The following GBF1 variants were observed in gnomAD, a reference collection of about 807,000 sequenced individuals.
GBF1 encodes the protein Golgi-specific brefeldin A-resistance guanine nucleotide exchange factor 1.
GBF1 carries 114 observed loss-of-function variants against 210.5 expected under a neutral mutation model. The ratio of observed to expected loss-of-function variants is 0.54; its 90% CI spans 0.47 to 0.63. The LOEUF (loss-of-function observed/expected upper bound fraction) is 0.63. Among genes scored for constraint, GBF1 ranks in the 30% least tolerant of loss-of-function variants. The probability of loss-of-function intolerance (pLI) is 0.00; values close to 1 mark genes in which losing one functional copy is unlikely to be tolerated. For synonymous variants in GBF1, 850 were observed against 889.2 expected, an observed-to-expected ratio of 0.96 and a Z score of 0.78; for missense variants, 1,851 against 2,357.7, an observed-to-expected ratio of 0.79 and a Z score of 4.45.
chr10:102,362,499 C>T lies in GBF1; in HGVS notation c.1711C>T (p.Leu571Phe). 6.2e-7 allele frequency: 1 copy of T among 1,613,370 alleles called. No individual in the cohort carries two copies. The highest frequency in any genetic ancestry group is 8.5e-7 in the Non-Finnish European group (1 of 1,179,342). The part of the protein sequence containing the change: ...SKNAFPVSGQ[L>F]YTTHLLSLDA... ...GAATGCCTTCCCTGTGTCTGGTCAA[C>T]TCTATACAACACACCTACTATCTCT... Residue 571 changes from leucine (L) to phenylalanine (F), a missense_variant, in exon 15 of 40, where the codon CTC (leucine) becomes TTC (phenylalanine). Physicochemically the swap from Leu to Phe is conservative, Grantham distance 22. Around this residue, in one of 3 missense-constraint regions of GBF1, gnomAD observed 804 missense variants for 958.6 expected, o/e 0.84. Coordinates refer to ENST00000369983, the MANE Select transcript of GBF1 (RefSeq NM_001377137.1).
intron 3 of GBF1, among the ~76,000 whole-genome samples, chr10:102,276,124 C>G (rs956821970): frequency 2.0e-5 from 3 of 152,120 alleles, no homozygotes; most frequent in Admixed American, 6.6e-5. Flanking sequence ...GTAATCCCAG[C>G]TACTGGGGAG....
chr10:102,279,515 T>C (rs2075296512), intron 3 of GBF1, among the ~76,000 whole-genome samples: 2 of 152,344 alleles, frequency 1.3e-5, no homozygotes, highest in South Asian at 4.1e-4. Flanking sequence ...CCATAAAGTT[T>C]GGAAATGCCC....
the GBF1 span, chr10:102,230,863 A>G: frequency 2.5e-6 from 4 of 1,601,848 alleles, no homozygotes; most frequent in Non-Finnish European, 3.4e-6. Flanking sequence ...TGGCGAGAAG[A>G]CGGGCTGCGA....
At chr10:102,282,535 A>G (rs950592771) in intron 3 of GBF1, among the ~76,000 whole-genome samples, 3 of 152,144 alleles carry the variant, frequency 2.0e-5, no homozygotes, top group Non-Finnish European at 4.4e-5. Context: ...CTTGCTGGAG[A>G]CAAATTAACA....
the GBF1 span, among the ~76,000 whole-genome samples, chr10:102,236,369 G>T: frequency 6.6e-6 from 1 of 152,228 alleles, no homozygotes; most frequent in Non-Finnish European, 1.5e-5. Flanking sequence ...AACAGTGATG[G>T]TGAGTCCAGC....
the GBF1 span, among the ~76,000 whole-genome samples, chr10:102,234,478 T>A: frequency 6.6e-6 from 1 of 151,956 alleles, no homozygotes; most frequent in Non-Finnish European, 1.5e-5. Flanking sequence ...CCAGGTCGGG[T>A]CAGGTCAGGG....
chr10:102,382,700 A>C lies in GBF1; in HGVS notation c.*364A>C. ...CCAACCACTCTGCACTTTGTTTCCC[A>C]CTCCCATTAGCCCTGGGCCACCTCC... On this transcript the variant is annotated 3_prime_UTR_variant, in exon 40 of 40. Transcript: ENST00000369983. 1 of 214,714 alleles carries C rather than the reference A, an allele frequency of 4.7e-6. No individual in the cohort carries two copies. Among genetic ancestry groups the C allele is most frequent in the Non-Finnish European group, 9.2e-6 (1 of 109,022 alleles). 13.3% of individuals were successfully genotyped at this position (214,714 alleles called of 1,614,324 possible).
chr10:102,292,338 A>T (rs2133680049), intron 3 of GBF1, among the ~76,000 whole-genome samples: 1 of 152,256 alleles, frequency 6.6e-6, no homozygotes, highest in East Asian at 1.9e-4. Flanking sequence ...AAATTGGACC[A>T]AACGATCTCT....
At chr10:102,238,552 G>T in the GBF1 span, among the ~76,000 whole-genome samples, 1 of 152,216 alleles carries the variant, frequency 6.6e-6, no homozygotes, top group Non-Finnish European at 1.5e-5. Flanking sequence ...CTGCATCAGG[G>T]ATGAGATTAG....
At chr10:102,318,319 T>C (rs2056028404) in intron 3 of GBF1, among the ~76,000 whole-genome samples, 1 of 152,156 alleles carries the variant, frequency 6.6e-6, no homozygotes, top group Non-Finnish European at 1.5e-5. Flanking sequence ...CCCAAGTAGC[T>C]GGGACTACAG....
rs1364099817 is a variant in GBF1 at position 102,376,218 on chromosome 10, C to T, written c.3887-54C>T. On this transcript the variant is annotated intron_variant, in intron 30 of 39. Transcript: ENST00000369983. ...TTTTCTGAGAGCCTGATTTATCCCT[C>T]ATCCCAGTGCCCCATCCCCACCCTG... The T allele has an allele frequency of 2.1e-6, 3 of 1,406,668 alleles. No individual in the cohort carries two copies. In the African/African-American group the frequency reaches 4.2e-5, roughly 20 times the overall value. The allele number at this position is 1,406,668 out of a possible 1,614,324, so 87.1% of individuals were successfully genotyped here. A position where few individuals can be genotyped will look rare whatever the true frequency, so the allele number is the denominator to read the frequency against.
chr10:102,257,452 G>A (rs2072569744), intron 1 of GBF1, among the ~76,000 whole-genome samples: 1 of 152,104 alleles, frequency 6.6e-6, no homozygotes, highest in Non-Finnish European at 1.5e-5. Context: ...AGAACTACAG[G>A]TGTATGCCAC....
Position 102,368,630 on chromosome 10 carries a change from GTTTC to G in GBF1, c.2880-106_2880-103del, listed in dbSNP as rs2060038307. ...TCTTAAACAGAAACAAAATTAAAAG[GTTTC>G]TTCCTGGGACTGACTGGGGAAGAGC... On this transcript the variant is annotated intron_variant, in intron 22 of 39. Coordinates refer to ENST00000369983, the MANE Select transcript of GBF1 (RefSeq NM_001377137.1). 1.6e-5 allele frequency: 14 copies of G among 876,474 alleles called. No individual in the cohort carries two copies. In the Admixed American group the frequency reaches 2.3e-4, roughly 15 times the overall value. The allele number at this position is 876,474 out of a possible 1,614,324, so 54.3% of individuals were successfully genotyped here. A position where few individuals can be genotyped will look rare whatever the true frequency, so the allele number is the denominator to read the frequency against.
intron 3 of GBF1, among the ~76,000 whole-genome samples, chr10:102,314,216 G>A (rs2078734930): frequency 6.7e-6 from 1 of 148,894 alleles, no homozygotes; most frequent in South Asian, 2.1e-4. Flanking sequence ...TGTGAAAATG[G>A]CTCACTGCAG....
Position 102,307,652 on chromosome 10 carries a change from G to A in GBF1, c.164-36399G>A, listed in dbSNP as rs140977519. 7.2e-5 allele frequency among the ~76,000 whole-genome samples: 11 copies of A among 152,184 alleles called. 1 individual carries two copies. The highest frequency in any genetic ancestry group is 1.9e-4 in the African/African-American group (8 of 41,532). On this transcript the variant is annotated intron_variant, in intron 3 of 39. Coordinates refer to ENST00000369983, the MANE Select transcript of GBF1 (RefSeq NM_001377137.1). ...AAAAATACAAAAAAATTAGCCGGGCGTGGTGGCGGGTGCCTATAGTCCCAG... is the reference window on the plus strand; with the variant it reads ...AAAAATACAAAAAAATTAGCCGGGCATGGTGGCGGGTGCCTATAGTCCCAG...
chr10:102,382,308 A>T lies in GBF1; in HGVS notation c.5555A>T (p.Asp1852Val), dbSNP rs1249701323. Residue 1852 changes from aspartate (D) to valine (V), a missense_variant, in exon 40 of 40, where the codon GAT (aspartate) becomes GTT (valine). Physicochemically the swap from Asp to Val is radical, Grantham distance 152 (BLOSUM62 -3). This residue lies in a region of GBF1 where 967 missense variants were observed against 1,247.7 expected (regional missense o/e 0.78). Transcript: ENST00000369983. ...CTCCTGGCCACACCCCGCCCCACAG[A>T]TCCCATACCCACCTCTGAGGTCAAC... The part of the protein sequence containing the change: ...VPLLATPRPT[D>V]PIPTSEVN The T allele has an allele frequency of 2.2e-5, 35 of 1,612,410 alleles. No individual in the cohort carries two copies. Among genetic ancestry groups the T allele is most frequent in the Non-Finnish European group, 2.9e-5 (34 of 1,179,232 alleles).
intron 3 of GBF1, among the ~76,000 whole-genome samples, chr10:102,278,221 G>A (rs2075165501): frequency 6.6e-6 from 1 of 151,880 alleles, no homozygotes; most frequent in Non-Finnish European, 1.5e-5. Context: ...TCATGCCACT[G>A]CACTCCAGCC....
At chr10:102,369,031 G>C (rs2135193597) in intron 23 of GBF1, among the ~76,000 whole-genome samples, 180 bp from the exon 24 acceptor site, 1 of 152,294 alleles carries the variant, frequency 6.6e-6, no homozygotes, top group South Asian at 2.1e-4. Context: ...ATGGGGATGG[G>C]AAAGGAGATA....
At chr10:102,352,551 G>T in intron 7 of GBF1, 33 bp downstream of exon 7, 1 of 1,513,866 alleles carries the variant, frequency 6.6e-7, no homozygotes, top group Non-Finnish European at 9.2e-7. Context: ...CAGCCCGGCT[G>T]CCCAGGCCTC....
Sources: gnomAD v4.1 joint callset for allele counts (sites outside exome capture counted in the v4.1 genomes callset) on GRCh38, gnomAD v4.1.1 for gene constraint, gnomAD v4.1.1 regional missense constraint, MANE v1.5 for transcripts, NCBI Gene and HGNC (gene_info 2026-07-23, HGNC 2026-07-21) for gene names.